The following NFIB variants were observed in gnomAD, a reference collection of about 807,000 sequenced individuals.
NFIB encodes the protein nuclear factor I B, also known as nuclear factor 1 B-type.
NFIB carries 11 observed loss-of-function variants against 61.5 expected under a neutral mutation model. The observed-to-expected ratio is 0.18, with a 90% CI of 0.11 to 0.30. The LOEUF (loss-of-function observed/expected upper bound fraction) is 0.30. Among genes scored for constraint, NFIB ranks in the 10% least tolerant of loss-of-function variants. The probability of loss-of-function intolerance (pLI) is 1.00; values close to 1 mark genes in which losing one functional copy is unlikely to be tolerated. For synonymous variants in NFIB, 260 were observed against 216.5 expected (o/e 1.20, Z -1.76); for missense variants, 471 against 608.9 (o/e 0.77, Z 2.38).
the NFIB span, among the ~76,000 whole-genome samples, chr9:14,513,899 G>A: frequency 6.6e-6 from 1 of 152,134 alleles, no homozygotes; most frequent in Non-Finnish European, 1.5e-5. Flanking sequence ...GGTAATATAT[G>A]CAAACTAATT....
intron 1 of NFIB, among the ~76,000 whole-genome samples, chr9:14,348,992 C>A (rs1564024118): frequency 6.6e-6 from 1 of 152,232 alleles, no homozygotes; most frequent in Non-Finnish European, 1.5e-5. Context: ...TACCGAAATT[C>A]ACTTTACTAC....
chr9:14,356,236 A>G (rs1315066435), intron 1 of NFIB, among the ~76,000 whole-genome samples: 1 of 152,184 alleles, frequency 6.6e-6, no homozygotes, highest in Admixed American at 6.5e-5. Flanking sequence ...GAGGGAACTT[A>G]TGGATCCCAG....
chr9:14,166,849 G>A (rs1446772306), intron 3 of NFIB, among the ~76,000 whole-genome samples: 1 of 152,168 alleles, frequency 6.6e-6, no homozygotes, highest in Admixed American at 6.5e-5. Context: ...TTAACGCTAT[G>A]AAAGCAATTT....
chr9:14,262,608 C>T (rs970072272), intron 2 of NFIB, among the ~76,000 whole-genome samples: 2 of 152,092 alleles, frequency 1.3e-5, no homozygotes, highest in African/African-American at 4.8e-5. Context: ...GGAAAAGGAG[C>T]CACAATTTAT....
intron 2 of NFIB, among the ~76,000 whole-genome samples, chr9:14,255,311 G>C (rs977222674): frequency 6.6e-6 from 1 of 152,170 alleles, no homozygotes; most frequent in Non-Finnish European, 1.5e-5. Flanking sequence ...AACTGTAAAA[G>C]AATCTTGCTG....
chr9:14,494,614 C>T, the NFIB span, among the ~76,000 whole-genome samples: 1 of 152,204 alleles, frequency 6.6e-6, no homozygotes, highest in Non-Finnish European at 1.5e-5. Flanking sequence ...CTTACTTCTT[C>T]TCTTATGGCT....
chr9:14,518,447 A>G, the NFIB span, among the ~76,000 whole-genome samples: 1 of 150,100 alleles, frequency 6.7e-6, no homozygotes, highest in Non-Finnish European at 1.5e-5. Flanking sequence ...AATGCCACCC[A>G]TTATTGAACT....
intron 2 of NFIB, among the ~76,000 whole-genome samples, chr9:14,268,756 T>A (rs992357513): frequency 6.6e-6 from 1 of 152,252 alleles, no homozygotes; most frequent in Admixed American, 6.5e-5. Flanking sequence ...AGAAACTCCT[T>A]GAGAACAGGG....
chr9:14,403,253 G>T (rs762238001), upstream of NFIB, among the ~76,000 whole-genome samples: 1 of 152,160 alleles, frequency 6.6e-6, no homozygotes, highest in Non-Finnish European at 1.5e-5. Context: ...AGGCCAAGAT[G>T]AGCCATGTTC....
the NFIB span, among the ~76,000 whole-genome samples, chr9:14,475,634 C>T: frequency 1.3e-5 from 2 of 152,160 alleles, no homozygotes; most frequent in Non-Finnish European, 2.9e-5. Context: ...TGCTTTCCCA[C>T]TCAATGACAT....
At chr9:14,102,385 G>A (rs1182112652) in intron 10 of NFIB, 12 of 1,483,434 alleles carry the variant, frequency 8.1e-6, no homozygotes, top group Middle Eastern at 1.7e-4. Flanking sequence ...GTAATTTTTA[G>A]GTGTAAGTGT....
At chr9:14,372,368 A>G (rs1296953045) in intron 1 of NFIB, among the ~76,000 whole-genome samples, 3 of 152,204 alleles carry the variant, frequency 2.0e-5, no homozygotes, top group African/African-American at 7.2e-5. Flanking sequence ...TTTGCAAAAC[A>G]TGTTGAAGAG....
the NFIB span, among the ~76,000 whole-genome samples, chr9:14,425,495 G>A: frequency 9.9e-5 from 15 of 152,092 alleles, no homozygotes; most frequent in Non-Finnish European, 2.2e-4. Flanking sequence ...TAGAGATCTG[G>A]GGAAAAGGGG....
intron 2 of NFIB, among the ~76,000 whole-genome samples, chr9:14,192,834 G>A (rs2048100402): frequency 6.6e-6 from 1 of 152,072 alleles, no homozygotes; most frequent in South Asian, 2.1e-4. Flanking sequence ...CCTTGCCCAT[G>A]AAATTCCTCC....
chr9:14,308,959 C>G (rs544772832), intron 1 of NFIB, among the ~76,000 whole-genome samples: 1 of 152,132 alleles, frequency 6.6e-6, no homozygotes, highest in Non-Finnish European at 1.5e-5. Flanking sequence ...AGAGAAAGAG[C>G]TTAACGTCCT....
At chr9:14,391,699 G>A (rs1185390533) in intron 1 of NFIB, among the ~76,000 whole-genome samples, 1 of 152,064 alleles carries the variant, frequency 6.6e-6, no homozygotes, top group African/African-American at 2.4e-5. Context: ...CATGTGCATA[G>A]CCCACCCCAA....
intron 1 of NFIB, among the ~76,000 whole-genome samples, chr9:14,347,942 C>A (rs1353920685): frequency 1.3e-5 from 2 of 152,188 alleles, no homozygotes; most frequent in Non-Finnish European, 2.9e-5. Context: ...GCGTCGCACG[C>A]GGTGTCTGGT....
chr9:14,125,651 T>C lies in NFIB; in HGVS notation c.1041A>G (p.Ile347Met). The C allele has an allele frequency of 6.2e-7, 1 of 1,614,102 alleles. No homozygotes were observed. The highest frequency in any genetic ancestry group is 8.5e-7 in the Non-Finnish European group (1 of 1,179,992). The change falls in exon 7 of 11, where the codon ATA becomes ATG. Residue 347 changes from isoleucine to methionine, a missense_variant. Ile to Met is a conservative substitution (Grantham distance 10). Coordinates refer to ENST00000380953, the MANE Select transcript of NFIB (RefSeq NM_001190737.2). ...CCTCACCACTGTGTGCAACTCCAGG[T>C]ATTCCGGGATGGTGGTGCTGGGGGA... The part of the protein sequence containing the change: ...STFPQHHHPG[I>M]PGVAHSVIST...
At chr9:14,518,813 C>A in the NFIB span, among the ~76,000 whole-genome samples, 2 of 152,130 alleles carry the variant, frequency 1.3e-5, no homozygotes, top group Non-Finnish European at 2.9e-5. Flanking sequence ...TCTTTGCACT[C>A]TCCAGGAACC....
Sources: allele counts gnomAD v4.1 joint callset (sites outside exome capture counted in the v4.1 genomes callset), GRCh38; gene constraint gnomAD v4.1.1; transcripts MANE v1.5; gene names NCBI Gene and HGNC (gene_info 2026-07-23, HGNC 2026-07-21).